Variants in FER observed in about 807,000 individuals in gnomAD.
The protein encoded by FER is tyrosine-protein kinase Fer.
FER carries 63 observed loss-of-function variants against 111.0 expected under a neutral mutation model. The ratio of observed to expected loss-of-function variants is 0.57; its 90% CI spans 0.46 to 0.70. The LOEUF (loss-of-function observed/expected upper bound fraction) is 0.70, where lower values mean the gene tolerates loss of function less well. FER is among the 30% of genes least tolerant of loss of function. FER has a pLI of 0.00. For synonymous variants in FER, 327 were observed against 313.9 expected, an observed-to-expected ratio of 1.04 and a Z score of -0.44; for missense variants, 914 against 954.0, an observed-to-expected ratio of 0.96 and a Z score of 0.55.
intron 1 of FER, among the ~76,000 whole-genome samples, chr5:108,758,009 A>G (rs1487303651): frequency 6.6e-6 from 1 of 152,210 alleles, no homozygotes; most frequent in Non-Finnish European, 1.5e-5. Context: ...ATATACACTA[A>G]TATCATGGAT....
chr5:109,173,291 T>G (rs1196793496), intron 17 of FER, among the ~76,000 whole-genome samples: 1 of 152,208 alleles, frequency 6.6e-6, no homozygotes. Flanking sequence ...CTTGGTTGTT[T>G]TGTGTTCCAG....
intron 15 of FER, among the ~76,000 whole-genome samples, chr5:109,045,793 A>C (rs1007168928): frequency 6.6e-6 from 1 of 152,228 alleles, no homozygotes; most frequent in African/African-American, 2.4e-5. Context: ...TTATCTCTTC[A>C]TGCAATCTCA....
intron 16 of FER, among the ~76,000 whole-genome samples, chr5:109,073,692 C>T (rs1776015869): frequency 6.6e-6 from 1 of 151,990 alleles, no homozygotes; most frequent in South Asian, 2.1e-4. Flanking sequence ...AATCAATCCT[C>T]CTCCCCTTCC....
At chr5:108,940,507 C>G (rs1756107574) in intron 10 of FER, among the ~76,000 whole-genome samples, 1 of 152,010 alleles carries the variant, frequency 6.6e-6, no homozygotes, top group Non-Finnish European at 1.5e-5. Flanking sequence ...CTAAATGAAC[C>G]TACATCCAGA....
At chr5:109,154,299 A>C (rs1021029690) in intron 17 of FER, among the ~76,000 whole-genome samples, 7 of 151,978 alleles carry the variant, frequency 4.6e-5, no homozygotes, top group Non-Finnish European at 7.4e-5. Context: ...TGCTATGTTT[A>C]TCTTCCTTGA....
intron 16 of FER, among the ~76,000 whole-genome samples, chr5:109,090,023 G>A (rs1181576170): frequency 6.6e-6 from 1 of 152,176 alleles, no homozygotes; most frequent in East Asian, 1.9e-4. Context: ...GGAAGAAGAT[G>A]AGTGGAGTGT....
chr5:108,899,102 A>G (rs1749623210), intron 10 of FER, among the ~76,000 whole-genome samples: 1 of 151,950 alleles, frequency 6.6e-6, no homozygotes, highest in Non-Finnish European at 1.5e-5. Context: ...AAAAAAAAAA[A>G]AGACCGTATC....
intron 2 of FER, among the ~76,000 whole-genome samples, chr5:108,789,952 G>T (rs894453741): frequency 8.5e-5 from 13 of 152,116 alleles, no homozygotes; most frequent in African/African-American, 3.1e-4. Flanking sequence ...TTATTACAAT[G>T]CATTTAGAAA....
chr5:109,132,378 C>T (rs1752445202), intron 17 of FER, among the ~76,000 whole-genome samples: 1 of 152,130 alleles, frequency 6.6e-6, no homozygotes, highest in Admixed American at 6.6e-5. Context: ...TACTATGTGG[C>T]AGGAGCTATT....
chr5:108,853,529 G>A (rs1256370336), intron 5 of FER, among the ~76,000 whole-genome samples: 2 of 152,174 alleles, frequency 1.3e-5, no homozygotes, highest in Non-Finnish European at 2.9e-5. Flanking sequence ...AAAGAATGAA[G>A]GAAGTCAGGG....
At chr5:108,945,309 G>T (rs775937166) in intron 10 of FER, among the ~76,000 whole-genome samples, 1 of 151,952 alleles carries the variant, frequency 6.6e-6, no homozygotes, top group Non-Finnish European at 1.5e-5. Flanking sequence ...AAAACCACAC[G>T]TGCTTTGCTC....
intron 17 of FER, among the ~76,000 whole-genome samples, chr5:109,117,503 A>G (rs1486071039): frequency 1.3e-5 from 2 of 152,150 alleles, no homozygotes. Flanking sequence ...AATTTTTATA[A>G]TAATTTGCTG....
intron 2 of FER, among the ~76,000 whole-genome samples, chr5:108,793,311 C>A (rs1755591525): frequency 6.6e-6 from 1 of 152,088 alleles, no homozygotes; most frequent in Non-Finnish European, 1.5e-5. Flanking sequence ...CCAGTTCTAT[C>A]CATGTTGTTG....
intron 2 of FER, among the ~76,000 whole-genome samples, chr5:108,794,304 G>A (rs1305746937): frequency 2.0e-5 from 3 of 148,892 alleles, no homozygotes; most frequent in African/African-American, 7.5e-5. Flanking sequence ...TGCAATCTCC[G>A]CCTCCCAGGT....
chr5:109,016,756 A>G (rs1336661192), intron 13 of FER, among the ~76,000 whole-genome samples: 1 of 151,972 alleles, frequency 6.6e-6, no homozygotes, highest in East Asian at 1.9e-4. Context: ...TTATTATTAT[A>G]GTTTTTTATT....
intron 1 of FER, among the ~76,000 whole-genome samples, chr5:108,749,969 G>A (rs1260549835): frequency 1.3e-5 from 2 of 152,138 alleles, no homozygotes; most frequent in African/African-American, 4.8e-5. Flanking sequence ...AATTTGTTAC[G>A]GCTGGTAGCC....
intron 5 of FER, among the ~76,000 whole-genome samples, chr5:108,856,736 G>A (rs1763046857): frequency 6.6e-6 from 1 of 151,964 alleles, no homozygotes; most frequent in African/African-American, 2.4e-5. Flanking sequence ...CCACACACTC[G>A]ACTAGTCTTC....
intron 17 of FER, among the ~76,000 whole-genome samples, chr5:109,126,302 A>G (rs1340987968): frequency 4.6e-5 from 7 of 152,110 alleles, no homozygotes; most frequent in Non-Finnish European, 8.8e-5. Context: ...CATGCTTGCT[A>G]TATCTTTAAG....
intron 3 of FER, among the ~76,000 whole-genome samples, chr5:108,826,106 T>G (rs1352384608): frequency 6.6e-6 from 1 of 152,240 alleles, no homozygotes; most frequent in African/African-American, 2.4e-5. Context: ...ATTGATTCTA[T>G]ACTTGATTCC....
Sources: gnomAD v4.1 joint callset for allele counts (sites outside exome capture counted in the v4.1 genomes callset) on GRCh38, gnomAD v4.1.1 for gene constraint, MANE v1.5 for transcripts, NCBI Gene and HGNC (gene_info 2026-07-23, HGNC 2026-07-21) for gene names.